Variants in DLGAP1 observed in about 807,000 individuals in gnomAD.
The protein encoded by DLGAP1 is disks large-associated protein 1.
A neutral mutation model predicts 90.8 loss-of-function variants in DLGAP1; 11 were observed. The observed-to-expected ratio is 0.12, with a 90% CI of 0.08 to 0.20. The LOEUF is 0.20. DLGAP1 is among the 10% of genes least tolerant of loss of function. DLGAP1 has a pLI of 1.00. For synonymous variants in DLGAP1, 558 were observed against 540.7 expected, an observed-to-expected ratio of 1.03 and a Z score of -0.44; for missense variants, 1,050 against 1,333.8, an observed-to-expected ratio of 0.79 and a Z score of 3.31.
chr18:3,615,000 C>G (rs899831399), intron 7 of DLGAP1, among the ~76,000 whole-genome samples: 1 of 6,280 alleles, frequency 1.6e-4, no homozygotes, highest in African/African-American at 7.7e-4. Flanking sequence ...CGGCTCACCG[C>G]AACCTCCGCC....
At chr18:3,620,683 G>A (rs1429624498) in intron 7 of DLGAP1, among the ~76,000 whole-genome samples, 1 of 151,900 alleles carries the variant, frequency 6.6e-6, no homozygotes, top group Non-Finnish European at 1.5e-5. Flanking sequence ...TCAGCCTCCC[G>A]AGGAGCTGGG....
intron 2 of DLGAP1, among the ~76,000 whole-genome samples, chr18:4,067,682 T>C (rs1297533129): frequency 6.6e-6 from 1 of 152,018 alleles, no homozygotes; most frequent in Non-Finnish European, 1.5e-5. Context: ...CAACCCCTTA[T>C]CTTAACCCAG....
chr18:3,534,185 A>T lies in DLGAP1; in HGVS notation c.2479+9T>A. The T allele has an allele frequency of 6.2e-7, 1 of 1,608,892 alleles. No homozygotes were observed. The highest frequency in any genetic ancestry group is 1.7e-4 in the Middle Eastern group (1 of 6,022). ...GGGGACGGGTGTGGCACGTGGTGGC[A>T]TTACTTACTGTCTTCGGGCAGGTTG... On this transcript the variant is annotated intron_variant, in intron 10 of 12. Coordinates refer to ENST00000315677, the MANE Select transcript of DLGAP1 (RefSeq NM_004746.4).
intron 7 of DLGAP1, among the ~76,000 whole-genome samples, chr18:3,605,259 A>G (rs1599496326): frequency 6.6e-6 from 1 of 152,192 alleles, no homozygotes; most frequent in East Asian, 1.9e-4. Context: ...TCCTTCAGAT[A>G]CGAGCTTACG....
intron 7 of DLGAP1, among the ~76,000 whole-genome samples, chr18:3,681,249 GATA>G (rs1202941218): frequency 1.3e-5 from 2 of 152,116 alleles, no homozygotes; most frequent in African/African-American, 4.8e-5. Context: ...TAGAGTCAGA[GATA>G]ATGTCTAAAA....
At chr18:4,453,720 G>A (rs2083892667) in intron 1 of DLGAP1, among the ~76,000 whole-genome samples, 1 of 152,168 alleles carries the variant, frequency 6.6e-6, no homozygotes, top group Non-Finnish European at 1.5e-5. Flanking sequence ...TAAAAGATCT[G>A]TCTTTAATTG....
Position 4,008,959 on chromosome 18 carries a change from G to A in DLGAP1, c.-158-3758C>T, listed in dbSNP as rs375112874. 3.6e-4 allele frequency among the ~76,000 whole-genome samples: 55 copies of A among 152,022 alleles called. No homozygotes were observed. The South Asian group carries it at 1.0e-2, about 28-fold the overall frequency. On this transcript the variant is annotated intron_variant, in intron 2 of 12. Transcript: ENST00000315677. ...CGCTCCGTCGCCCAGGCTGGAGTGC[G>A]GTGGCGCGATCTCGGCTCACTGCAA...
At chr18:3,502,724 A>G (rs2050003588) in intron 11 of DLGAP1, 79 bp from the exon 12 acceptor site, 4 of 1,493,978 alleles carry the variant, frequency 2.7e-6, no homozygotes, top group Non-Finnish European at 3.6e-6. Context: ...ATTTTCAAAT[A>G]TTTCAAACAA....
chr18:4,232,719 A>G (rs531872716), intron 1 of DLGAP1, among the ~76,000 whole-genome samples: 1 of 152,318 alleles, frequency 6.6e-6, no homozygotes, highest in African/African-American at 2.4e-5. Context: ...AACTCAATCC[A>G]TGGTCAAGGA....
intron 1 of DLGAP1, among the ~76,000 whole-genome samples, chr18:4,316,564 G>C (rs2080532972): frequency 6.6e-6 from 1 of 152,156 alleles, no homozygotes; most frequent in Non-Finnish European, 1.5e-5. Flanking sequence ...AGACATGTAA[G>C]AGTAGAGGGC....
intron 2 of DLGAP1, among the ~76,000 whole-genome samples, chr18:4,087,922 C>T (rs181648624): frequency 5.7e-4 from 87 of 152,146 alleles, no homozygotes; most frequent in African/African-American, 2.0e-3. Flanking sequence ...ATCTGTGTCA[C>T]TGCTATGTTT....
intron 3 of DLGAP1, among the ~76,000 whole-genome samples, chr18:3,944,303 C>G (rs2072832642): frequency 6.6e-6 from 1 of 152,190 alleles, no homozygotes; most frequent in African/African-American, 2.4e-5. Context: ...CAAGACCAGC[C>G]TGGCCAAGAT....
intron 2 of DLGAP1, among the ~76,000 whole-genome samples, chr18:4,023,724 C>G (rs1475251552): frequency 6.6e-6 from 1 of 152,124 alleles, no homozygotes; most frequent in Non-Finnish European, 1.5e-5. Flanking sequence ...TAGGTGTCAT[C>G]TAGTTCAACA....
intron 7 of DLGAP1, among the ~76,000 whole-genome samples, chr18:3,652,275 T>C (rs982351001): frequency 6.6e-6 from 1 of 152,080 alleles, no homozygotes; most frequent in Non-Finnish European, 1.5e-5. Flanking sequence ...TTAAATCCCT[T>C]TGGGGTGTTT....
chr18:3,782,766 G>A (rs975891135), intron 5 of DLGAP1, among the ~76,000 whole-genome samples: 6 of 152,088 alleles, frequency 3.9e-5, no homozygotes, highest in African/African-American at 1.2e-4. Flanking sequence ...AAATGCCTTT[G>A]ACCTCAATTA....
At chr18:4,049,440 A>G (rs1305641244) in intron 2 of DLGAP1, among the ~76,000 whole-genome samples, 1 of 152,024 alleles carries the variant, frequency 6.6e-6, no homozygotes, top group Non-Finnish European at 1.5e-5. Context: ...TGGCCGTCAC[A>G]CTGGAGCCTC....
chr18:3,632,745 T>C (rs2058569802), intron 7 of DLGAP1, among the ~76,000 whole-genome samples: 1 of 152,106 alleles, frequency 6.6e-6, no homozygotes, highest in Admixed American at 6.5e-5. Flanking sequence ...ATATGTGGCC[T>C]AGAAAAAGTC....
chr18:4,444,148 A>C (rs2083603929), intron 1 of DLGAP1, among the ~76,000 whole-genome samples: 1 of 152,238 alleles, frequency 6.6e-6, no homozygotes, highest in South Asian at 2.1e-4. Flanking sequence ...CAGCTAACTT[A>C]GAGCCCACTG....
chr18:3,746,549 T>A (rs115734603), intron 5 of DLGAP1, among the ~76,000 whole-genome samples: 1 of 152,142 alleles, frequency 6.6e-6, no homozygotes. Flanking sequence ...TATAAGAACA[T>A]ATTTGCAACA....
Sources: allele counts gnomAD v4.1 joint callset (sites outside exome capture counted in the v4.1 genomes callset), GRCh38; gene constraint gnomAD v4.1.1; transcripts MANE v1.5; gene names NCBI Gene and HGNC (gene_info 2026-07-23, HGNC 2026-07-21).